The following ATP8A2 variants were observed in gnomAD, a reference collection of about 807,000 sequenced individuals.
ATP8A2 encodes phospholipid-transporting ATPase IB.
ATP8A2 carries 100 observed loss-of-function variants against 165.6 expected under a neutral mutation model. That is an observed-to-expected ratio of 0.60 (90% CI 0.51 to 0.71). ATP8A2 has a LOEUF of 0.71. Among genes scored for constraint, ATP8A2 ranks in the 30% least tolerant of loss-of-function variants. ATP8A2 has a pLI of 0.00. For synonymous variants in ATP8A2, 543 were observed against 548.8 expected (o/e 0.99, Z 0.15); for missense variants, 1,227 against 1,479.5 (o/e 0.83, Z 2.80).
At chr13:25,517,858 A>C (rs2037530995) in intron 2 of ATP8A2, among the ~76,000 whole-genome samples, 2 of 152,242 alleles carry the variant, frequency 1.3e-5, no homozygotes, top group Admixed American at 1.3e-4. Context: ...AATAAAATGA[A>C]GTGAAAATTT....
At position 25,447,730 on chromosome 13, in the gene ATP8A2, G is replaced by A. The variant is rs1035334702; in HGVS notation, c.77-21247G>A. Among the ~76,000 whole-genome samples the A allele has an allele frequency of 3.9e-5, 6 of 152,126 alleles. 1 individual carries two copies. The highest frequency in any genetic ancestry group is 2.6e-4 in the Admixed American group (4 of 15,264). On this transcript the variant is annotated intron_variant, in intron 1 of 36. Transcript: ENST00000381655. ...TTGTACTCTGCCATTTCAGTACATG[G>A]GTCCTTGTCCAGTGTCCAGGAAGAA... is the stretch of plus-strand genomic sequence containing the variant.
chr13:25,776,768 T>A (rs2044752426), intron 27 of ATP8A2, among the ~76,000 whole-genome samples: 1 of 152,222 alleles, frequency 6.6e-6, no homozygotes, highest in South Asian at 2.1e-4. Context: ...TTCTTCGTGC[T>A]ATCCCAGGCT....
intron 1 of ATP8A2, among the ~76,000 whole-genome samples, chr13:25,412,666 A>T (rs1328926625): frequency 6.6e-6 from 1 of 152,192 alleles, no homozygotes; most frequent in Non-Finnish European, 1.5e-5. Flanking sequence ...ATCTAGTTAT[A>T]ATGGTAAAAA....
intron 30 of ATP8A2, among the ~76,000 whole-genome samples, chr13:25,850,923 A>G (rs544807216): frequency 1.8e-4 from 28 of 152,206 alleles, no homozygotes; most frequent in African/African-American, 6.7e-4. Context: ...TGCCTCTAAA[A>G]CTGTTGAAAC....
At chr13:25,749,398 G>A (rs1197604586) in intron 25 of ATP8A2, among the ~76,000 whole-genome samples, 1 of 152,200 alleles carries the variant, frequency 6.6e-6, no homozygotes. Flanking sequence ...ACTGGAGGTG[G>A]TCTTCAGGAT....
intron 1 of ATP8A2, among the ~76,000 whole-genome samples, chr13:25,450,588 G>A (rs1485546066): frequency 1.3e-5 from 2 of 152,186 alleles, no homozygotes; most frequent in Non-Finnish European, 2.9e-5. Flanking sequence ...CTGGAGTGCA[G>A]TGGTGTGATC....
intron 2 of ATP8A2, among the ~76,000 whole-genome samples, chr13:25,519,176 C>T (rs753380143): frequency 1.3e-5 from 2 of 152,206 alleles, no homozygotes; most frequent in African/African-American, 4.8e-5. Flanking sequence ...TTCCCCTGTG[C>T]GTCCATGAGA....
At chr13:25,857,637 G>A (rs1422300946) in intron 30 of ATP8A2, among the ~76,000 whole-genome samples, 3 of 134,966 alleles carry the variant, frequency 2.2e-5, no homozygotes, top group Non-Finnish European at 4.6e-5. Flanking sequence ...GCAGTGGCAT[G>A]ATCACTCACT....
At chr13:25,960,626 A>G (rs771810557) in intron 33 of ATP8A2, among the ~76,000 whole-genome samples, 1 of 152,114 alleles carries the variant, frequency 6.6e-6, no homozygotes, top group Non-Finnish European at 1.5e-5. Flanking sequence ...AGCCAGCTCC[A>G]GGCTCCGGGC....
At chr13:25,508,720 T>G (rs573071222) in intron 2 of ATP8A2, among the ~76,000 whole-genome samples, 1 of 152,250 alleles carries the variant, frequency 6.6e-6, no homozygotes, top group Non-Finnish European at 1.5e-5. Context: ...CTTACATATT[T>G]GTATTAGATG....
At chr13:25,392,526 T>C (rs1263037678) in intron 1 of ATP8A2, among the ~76,000 whole-genome samples, 1 of 152,240 alleles carries the variant, frequency 6.6e-6, no homozygotes, top group Admixed American at 6.5e-5. Context: ...TAAGGTGGAA[T>C]GTTAAATATA....
At chr13:25,574,004 C>G (rs950880318) in intron 18 of ATP8A2, among the ~76,000 whole-genome samples, 7 of 152,148 alleles carry the variant, frequency 4.6e-5, no homozygotes, top group Admixed American at 1.3e-4. Context: ...ATAAGAAAGT[C>G]ACACACTTAG....
intron 1 of ATP8A2, among the ~76,000 whole-genome samples, chr13:25,419,868 G>T (rs183470407): frequency 1.5e-3 from 222 of 152,306 alleles, no homozygotes; most frequent in Middle Eastern, 6.8e-3. Context: ...GCTCTGCAAA[G>T]AACCCTGGCC....
intron 13 of ATP8A2, among the ~76,000 whole-genome samples, chr13:25,556,834 A>T (rs965918150): frequency 4.6e-5 from 7 of 152,190 alleles, no homozygotes; most frequent in Middle Eastern, 3.4e-3. Context: ...GTCTGTCGAG[A>T]TCTGGCTGTT....
intron 24 of ATP8A2, among the ~76,000 whole-genome samples, chr13:25,610,454 A>T (rs191600572): frequency 6.6e-6 from 1 of 151,968 alleles, no homozygotes. Context: ...TGGGTTCTGT[A>T]TTCTGTTTCA....
chr13:25,630,957 T>A (rs1033477372), intron 24 of ATP8A2, among the ~76,000 whole-genome samples: 1 of 152,176 alleles, frequency 6.6e-6, no homozygotes. Context: ...GGCCTTTGGC[T>A]GTGCTGGAGG....
chr13:25,684,048 A>T (rs1210771065), intron 24 of ATP8A2, among the ~76,000 whole-genome samples: 1 of 152,232 alleles, frequency 6.6e-6, no homozygotes, highest in Non-Finnish European at 1.5e-5. Context: ...GAACAATGAG[A>T]TGCTTAAAAG....
rs371191450 is a variant in ATP8A2 at position 25,698,355 on chromosome 13, C to T, written c.2212-818C>T. Reference sequence around the variant, plus strand: ...CCCACCTCAGCCTCCAGAGTAGCTGCGACTACAGACATGCAGCAGACACAC... The same window carrying T: ...CCCACCTCAGCCTCCAGAGTAGCTGTGACTACAGACATGCAGCAGACACAC... On this transcript the variant is annotated intron_variant, in intron 24 of 36. Transcript: ENST00000381655. 7.4e-4 allele frequency among the ~76,000 whole-genome samples: 113 copies of T among 152,036 alleles called. 1 individual carries two copies. In the South Asian group the frequency reaches 0.018, roughly 24 times the overall value.
At chr13:25,877,495 A>G (rs1952848470) in intron 33 of ATP8A2, among the ~76,000 whole-genome samples, 1 of 152,258 alleles carries the variant, frequency 6.6e-6, no homozygotes, top group South Asian at 2.1e-4. Flanking sequence ...AGTTGTTTAT[A>G]TTCATTCGTG....
Sources: allele counts gnomAD v4.1 joint callset (sites outside exome capture counted in the v4.1 genomes callset), GRCh38; gene constraint gnomAD v4.1.1; transcripts MANE v1.5; gene names NCBI Gene and HGNC (gene_info 2026-07-23, HGNC 2026-07-21).